Variants in ALKBH1 observed in about 807,000 individuals in gnomAD.
The protein encoded by ALKBH1 is alkB homolog 1, histone H2A dioxygenase, also known as nucleic acid dioxygenase ALKBH1.
A neutral mutation model predicts 36.6 loss-of-function variants in ALKBH1; 31 were observed. The ratio of observed to expected loss-of-function variants is 0.85; its 90% confidence interval spans 0.64 to 1.14. ALKBH1 has a LOEUF of 1.14. Among genes scored for constraint, ALKBH1 ranks in the 50% most tolerant of loss-of-function variants. The pLI, the probability that ALKBH1 is intolerant of heterozygous loss-of-function variation, is 0.00. For synonymous variants in ALKBH1, 183 were observed against 186.6 expected, an observed-to-expected ratio of 0.98 and a Z score of 0.16; for missense variants, 490 against 497.3, an observed-to-expected ratio of 0.99 and a Z score of 0.14.
intron 4 of ALKBH1, among the ~76,000 whole-genome samples, chr14:77,677,668 C>A (rs762832256): frequency 4.5e-4 from 69 of 152,282 alleles, no homozygotes; most frequent in Admixed American, 5.9e-4. Flanking sequence ...AAGGAAGACT[C>A]TTGATGAATG....
Position 77,673,969 on chromosome 14 carries a change from C to T in ALKBH1, c.1013G>A (p.Arg338His), listed in dbSNP as rs746256948. The T allele has an allele frequency of 7.4e-6, 12 of 1,614,126 alleles. No homozygotes were observed. Among genetic ancestry groups the T allele is most frequent in the South Asian group, 1.1e-5 (1 of 91,074 alleles). ...GACCTGTCGGACAGTCATGTTAACA[C>T]GAGCGGTCTTCAAGTAGCTGGCACA... ...QVCASYLKTARVNMTVRQVLA... is the reference protein window; with the variant it reads ...QVCASYLKTAHVNMTVRQVLA... The change falls in exon 6 of 6, where the codon CGT becomes CAT. Residue 338 changes from arginine to histidine, a missense_variant. Arg to His is a conservative substitution (Grantham distance 29). Transcript: ENST00000216489.
At chr14:77,675,951 TCATATTAA>T in intron 4 of ALKBH1, 102 bp from the exon 5 acceptor site, 1 of 999,142 alleles carries the variant, frequency 1.0e-6, no homozygotes, top group Non-Finnish European at 1.5e-6. Context: ...ACTTACAAAG[TCATATTAA>T]CATATTAACA....
intron 4 of ALKBH1, among the ~76,000 whole-genome samples, chr14:77,678,900 C>T (rs751840682): frequency 1.3e-5 from 2 of 152,120 alleles, no homozygotes; most frequent in African/African-American, 2.4e-5. Flanking sequence ...ACTGCAACCT[C>T]TGCCTCCCAG....
intron 3 of ALKBH1, among the ~76,000 whole-genome samples, chr14:77,684,656 C>T (rs955287381): frequency 1.1e-4 from 17 of 152,178 alleles, no homozygotes; most frequent in African/African-American, 3.9e-4. Flanking sequence ...AAGTAATCCT[C>T]CCCACCTCAG....
chr14:77,679,860 A>G lies in ALKBH1; in HGVS notation c.546+20T>C. The G allele has an allele frequency of 6.3e-7, 1 of 1,597,742 alleles. No individual in the cohort carries two copies. Among genetic ancestry groups the G allele is most frequent in the Non-Finnish European group, 8.6e-7 (1 of 1,165,962 alleles). On this transcript the variant is annotated intron_variant, in intron 4 of 5. Transcript: ENST00000216489. ...GAAGCCTATAAACAGAAAACAAAAG[A>G]ATTAAGAAAACCTGAATACCTTACT...
chr14:77,691,091 G>A (rs1335784800), intron 3 of ALKBH1, among the ~76,000 whole-genome samples: 3 of 152,042 alleles, frequency 2.0e-5, no homozygotes, highest in African/African-American at 7.2e-5. Flanking sequence ...ATGAGCCACC[G>A]TGCCCGGCCT....
intron 2 of ALKBH1, chr14:77,696,550 C>T (rs1365408046): frequency 6.6e-6 from 1 of 152,652 alleles, no homozygotes; most frequent in African/African-American, 2.4e-5. Flanking sequence ...CCCTGTCTCC[C>T]ATGGGAGTGG....
At chr14:77,683,404 C>T (rs768759433) in intron 3 of ALKBH1, 11 of 774,618 alleles carry the variant, frequency 1.4e-5, no homozygotes, top group East Asian at 5.0e-5. Flanking sequence ...GTGCTCAATG[C>T]GCACATTAAT....
At chr14:77,682,711 T>C (rs1470163757) in intron 3 of ALKBH1, among the ~76,000 whole-genome samples, 2 of 152,128 alleles carry the variant, frequency 1.3e-5, no homozygotes, top group African/African-American at 4.8e-5. Context: ...AAATTTTATT[T>C]TTTGGAGACT....
chr14:77,692,924 G>T (rs2063442935), intron 3 of ALKBH1, among the ~76,000 whole-genome samples: 1 of 150,012 alleles, frequency 6.7e-6, no homozygotes. Context: ...AAATTTTTTT[G>T]GGGCCGGGAA....
At chr14:77,690,700 T>C (rs535809774) in intron 3 of ALKBH1, among the ~76,000 whole-genome samples, 1 of 152,366 alleles carries the variant, frequency 6.6e-6, no homozygotes, top group East Asian at 1.9e-4. Context: ...GTCTGGGATA[T>C]GTCACGTTAG....
intron 3 of ALKBH1, among the ~76,000 whole-genome samples, chr14:77,689,447 A>C (rs924542901): frequency 6.6e-6 from 1 of 152,226 alleles, no homozygotes; most frequent in East Asian, 1.9e-4. Flanking sequence ...AGTGAAAATA[A>C]GAAGAAAAGC....
intron 3 of ALKBH1, among the ~76,000 whole-genome samples, chr14:77,692,796 G>GTATTTATTTATT (rs10638828): frequency 2.0e-5 from 3 of 150,120 alleles, no homozygotes; most frequent in Non-Finnish European, 3.0e-5. Flanking sequence ...CTACCAAATT[G>GTATTTATTTATT]TATTTATTTA....
intron 3 of ALKBH1, among the ~76,000 whole-genome samples, chr14:77,682,028 G>A (rs887068558): frequency 1.3e-5 from 2 of 152,146 alleles, no homozygotes; most frequent in Non-Finnish European, 2.9e-5. Context: ...ACCATCTGCT[G>A]AGTCCTGAGT....
intron 3 of ALKBH1, among the ~76,000 whole-genome samples, chr14:77,689,631 A>C (rs1375986262): frequency 6.6e-6 from 1 of 152,208 alleles, no homozygotes; most frequent in Non-Finnish European, 1.5e-5. Flanking sequence ...AAGGCAATGG[A>C]AGGAGACAGG....
chr14:77,700,300 A>G (rs1319427138), intron 2 of ALKBH1, among the ~76,000 whole-genome samples: 1 of 152,232 alleles, frequency 6.6e-6, no homozygotes, highest in African/African-American at 2.4e-5. Context: ...AGATATAGAA[A>G]AAAACTAGAT....
At chr14:77,680,599 CAGG>C (rs913271408) in intron 3 of ALKBH1, among the ~76,000 whole-genome samples, 13 of 151,478 alleles carry the variant, frequency 8.6e-5, no homozygotes, top group Admixed American at 7.2e-4. Context: ...GTTCAAACCA[CAGG>C]AGGTTTCTGT....
chr14:77,700,227 A>G (rs2080352153), intron 2 of ALKBH1, among the ~76,000 whole-genome samples: 1 of 152,230 alleles, frequency 6.6e-6, no homozygotes, highest in Non-Finnish European at 1.5e-5. Context: ...AAATAACCTG[A>G]AGATTCCTCT....
At chr14:77,685,584 C>A (rs968725769) in intron 3 of ALKBH1, among the ~76,000 whole-genome samples, 11 of 152,060 alleles carry the variant, frequency 7.2e-5, no homozygotes, top group African/African-American at 2.7e-4. Context: ...GGAGAACCAG[C>A]CTGGGCAACA....
Sources: allele counts gnomAD v4.1 joint callset (sites outside exome capture counted in the v4.1 genomes callset), GRCh38; gene constraint gnomAD v4.1.1; transcripts MANE v1.5; gene names NCBI Gene and HGNC (gene_info 2026-07-23, HGNC 2026-07-21).